The following ADARB2 variants were observed in gnomAD, a reference collection of about 807,000 sequenced individuals.
The protein encoded by ADARB2 is inactive double-stranded RNA-specific editase B2.
Under a neutral mutation model 62.2 loss-of-function variants are expected in ADARB2, and 25 were observed. The observed-to-expected ratio is 0.40, with a 90% CI of 0.29 to 0.56. The LOEUF (loss-of-function observed/expected upper bound fraction) is 0.56. Among genes scored for constraint, ADARB2 ranks in the 20% least tolerant of loss-of-function variants. The pLI is 0.43. For synonymous variants in ADARB2, 572 were observed against 500.8 expected, an observed-to-expected ratio of 1.14 and a Z score of -1.90; for missense variants, 1,071 against 1,077.4, an observed-to-expected ratio of 0.99 and a Z score of 0.08.
intron 1 of ADARB2, among the ~76,000 whole-genome samples, chr10:1,588,126 A>G (rs767810228): frequency 1.3e-4 from 20 of 152,254 alleles, no homozygotes; most frequent in Middle Eastern, 3.4e-3. Context: ...CACTGAGGCC[A>G]CCCTGGCTCA....
chr10:1,601,037 G>C (rs1330155462), intron 1 of ADARB2, among the ~76,000 whole-genome samples: 1 of 152,216 alleles, frequency 6.6e-6, no homozygotes, highest in Admixed American at 6.5e-5. Context: ...TAATTCATGA[G>C]AGGAAGTGAG....
At chr10:1,582,636 T>C (rs940905015) in intron 1 of ADARB2, among the ~76,000 whole-genome samples, 8 of 152,268 alleles carry the variant, frequency 5.3e-5, no homozygotes, top group African/African-American at 1.9e-4. Context: ...AGCCAAACAG[T>C]CAGTGCCAGT....
intron 3 of ADARB2, among the ~76,000 whole-genome samples, chr10:1,344,209 T>G (rs1213480616): frequency 6.6e-6 from 1 of 152,134 alleles, no homozygotes; most frequent in Admixed American, 6.5e-5. Context: ...TCTACCGGCA[T>G]CCGATTTACT....
intron 1 of ADARB2, among the ~76,000 whole-genome samples, chr10:1,692,342 T>C (rs371930069): frequency 7.2e-5 from 11 of 152,172 alleles, no homozygotes; most frequent in African/African-American, 1.4e-4. Context: ...AAGCAGGAAG[T>C]GGTTTGAAGG....
intron 1 of ADARB2, among the ~76,000 whole-genome samples, chr10:1,680,488 C>G (rs542469564): frequency 1.3e-5 from 2 of 152,216 alleles, no homozygotes; most frequent in East Asian, 3.9e-4. Context: ...GCCAGGACTC[C>G]CGGGCCATGC....
intron 1 of ADARB2, among the ~76,000 whole-genome samples, chr10:1,715,305 G>A (rs1316562438): frequency 5.3e-5 from 8 of 152,016 alleles, no homozygotes; most frequent in African/African-American, 1.7e-4. Flanking sequence ...ATTTCCATTG[G>A]CAGAACTTTA....
intron 9 of ADARB2, 129 bp downstream of exon 9, chr10:1,184,732 T>A: frequency 9.4e-7 from 1 of 1,064,412 alleles, no homozygotes. Context: ...GAAAAGGACA[T>A]GTGATGGGCG....
chr10:1,723,525 T>A (rs564646633), intron 1 of ADARB2, among the ~76,000 whole-genome samples: 3 of 152,242 alleles, frequency 2.0e-5, no homozygotes, highest in Non-Finnish European at 4.4e-5. Flanking sequence ...GTTTAGTTGA[T>A]GGTGTCTTAG....
chr10:1,484,628 C>T (rs1831519240), intron 1 of ADARB2, among the ~76,000 whole-genome samples: 1 of 152,224 alleles, frequency 6.6e-6, no homozygotes, highest in African/African-American at 2.4e-5. Context: ...CTGGGAAATG[C>T]TATGGCAGCT....
Position 1,541,918 on chromosome 10 carries a change from TCACAG to T in ADARB2, c.101-162763_101-162759del, listed in dbSNP as rs545292021. Among the ~76,000 whole-genome samples, 2 of 18,700 alleles carry T rather than the reference TCACAG, an allele frequency of 1.1e-4. 1 individual carries two copies. The highest frequency in any genetic ancestry group is 2.1e-4 in the Non-Finnish European group (2 of 9,442). 12.3% of individuals were successfully genotyped at this position (18,700 alleles called of 152,430 possible). Reference sequence around the variant, plus strand: ...ACTCAGATGTAGTTCAGACCCTGGATCACAGCCGTCCAGACCCCACTCAGACGCAG... The same window carrying T: ...ACTCAGATGTAGTTCAGACCCTGGATCCGTCCAGACCCCACTCAGACGCAG... On this transcript the variant is annotated intron_variant, in intron 1 of 9. Transcript: ENST00000381312.
At chr10:1,322,356 C>T (rs766234625) in intron 3 of ADARB2, among the ~76,000 whole-genome samples, 2 of 152,196 alleles carry the variant, frequency 1.3e-5, no homozygotes, top group Non-Finnish European at 2.9e-5. Flanking sequence ...TCAAATGCTG[C>T]TCTGACCTTC....
At chr10:1,226,556 C>A (rs1830748435) in intron 6 of ADARB2, among the ~76,000 whole-genome samples, 1 of 152,178 alleles carries the variant, frequency 6.6e-6, no homozygotes, top group Admixed American at 6.5e-5. Flanking sequence ...TACCTTTGGT[C>A]TTTGATGATG....
At chr10:1,659,463 C>T (rs78121305) in intron 1 of ADARB2, among the ~76,000 whole-genome samples, 127 of 152,352 alleles carry the variant, frequency 8.3e-4, no homozygotes, top group Non-Finnish European at 1.6e-3. Context: ...CACAGAAACA[C>T]GATTCAGACA....
rs887044065 is a variant in ADARB2 at position 1,275,752 on chromosome 10, C to G, written c.1078-4683G>C. Among the ~76,000 whole-genome samples the G allele has an allele frequency of 1.3e-4, 19 of 148,390 alleles. No individual in the cohort carries two copies. The East Asian group carries it at 3.4e-3, about 27-fold the overall frequency. Reference sequence around the variant, plus strand: ...GTTCCCACCTATGAGTGAGAACATGCAGTGTTTGGTCTTTTGACTTTGCAA... The same window carrying G: ...GTTCCCACCTATGAGTGAGAACATGGAGTGTTTGGTCTTTTGACTTTGCAA... On this transcript the variant is annotated intron_variant, in intron 3 of 9. Coordinates refer to ENST00000381312, the MANE Select transcript of ADARB2 (RefSeq NM_018702.4).
intron 1 of ADARB2, among the ~76,000 whole-genome samples, chr10:1,646,100 T>C (rs1834037791): frequency 6.6e-6 from 1 of 152,166 alleles, no homozygotes; most frequent in African/African-American, 2.4e-5. Flanking sequence ...AAGATCCCCA[T>C]GTGGACTCTA....
chr10:1,191,329 C>T (rs905141185), intron 8 of ADARB2, among the ~76,000 whole-genome samples: 7 of 152,256 alleles, frequency 4.6e-5, no homozygotes, highest in Middle Eastern at 3.4e-3. Flanking sequence ...TGGGGATGCA[C>T]GGGGCACCCG....
chr10:1,629,637 G>A (rs1226529937), intron 1 of ADARB2, among the ~76,000 whole-genome samples: 2 of 149,810 alleles, frequency 1.3e-5, no homozygotes, highest in Non-Finnish European at 3.0e-5. Flanking sequence ...CCATTGCCTG[G>A]GCACCTGCAG....
At chr10:1,590,442 T>C (rs1833236636) in intron 1 of ADARB2, among the ~76,000 whole-genome samples, 1 of 152,216 alleles carries the variant, frequency 6.6e-6, no homozygotes, top group South Asian at 2.1e-4. Context: ...GAATAATATA[T>C]CCACATGGTT....
At chr10:1,576,140 AG>A (rs1196056159) in intron 1 of ADARB2, among the ~76,000 whole-genome samples, 7 of 32,002 alleles carry the variant, frequency 2.2e-4, no homozygotes, top group African/African-American at 4.2e-4. Flanking sequence ...GGGTCACAAG[AG>A]GGGGGTCCAC....
Sources: gnomAD v4.1 joint callset for allele counts (sites outside exome capture counted in the v4.1 genomes callset) on GRCh38, gnomAD v4.1.1 for gene constraint, MANE v1.5 for transcripts, NCBI Gene and HGNC (gene_info 2026-07-23, HGNC 2026-07-21) for gene names.